XXYLT1: variants seen among roughly 807,000 people sequenced by gnomAD.
XXYLT1 encodes UDP-xylose:alpha-xyloside alpha-1,3-xylosyltransferase.
A neutral mutation model predicts 28.9 loss-of-function variants in XXYLT1; 20 were observed. The observed-to-expected ratio is 0.69, with a 90% CI of 0.49 to 1.00. The LOEUF (loss-of-function observed/expected upper bound fraction) is 1.00. XXYLT1 is among the 50% of genes least tolerant of loss of function. The pLI, the probability that XXYLT1 is intolerant of heterozygous loss-of-function variation, is 0.00. For synonymous variants in XXYLT1, 257 were observed against 253.8 expected, an observed-to-expected ratio of 1.01 and a Z score of -0.12; for missense variants, 542 against 560.1, an observed-to-expected ratio of 0.97 and a Z score of 0.33.
chr3:195,244,639 G>A (rs1338063023), intron 1 of XXYLT1, among the ~76,000 whole-genome samples: 1 of 150,550 alleles, frequency 6.6e-6, no homozygotes, highest in Non-Finnish European at 1.5e-5. Context: ...GAGGGCGCCT[G>A]TAATCCCAGC....
rs887113703 is a variant in XXYLT1, at chr3:195,069,869, T to G, written c.1028A>C (p.Lys343Thr). 13 of 1,614,124 alleles carry G rather than the reference T, an allele frequency of 8.1e-6. No individual in the cohort carries two copies. The highest frequency in any genetic ancestry group is 1.1e-5 in the Non-Finnish European group (13 of 1,180,012). ...FFTMIGMEHPKLFHVLDCTWN... is the reference protein window; with the variant it reads ...FFTMIGMEHPTLFHVLDCTWN... Reference sequence around the variant, plus strand: ...GGTACAGTCCAGCACATGGAAGAGCTTGGGGTGCTCCATGCCGATCATGGT... The same window carrying G: ...GGTACAGTCCAGCACATGGAAGAGCGTGGGGTGCTCCATGCCGATCATGGT... The change falls in exon 4 of 4, where the codon AAG (lysine) becomes ACG (threonine). Residue 343 changes from lysine (K) to threonine (T), a missense_variant. Transcript: ENST00000310380.
Position 195,069,748 on chromosome 3 carries a change from G to C in XXYLT1, c.1149C>G (p.His383Gln), listed in dbSNP as rs766882818. The change falls in exon 4 of 4, where the codon CAC becomes CAG. Residue 383 changes from histidine (H) to glutamine (Q), a missense_variant. His to Gln is a conservative substitution (Grantham distance 24). Coordinates refer to ENST00000310380, the MANE Select transcript of XXYLT1 (RefSeq NM_152531.5). ...FRCEGHVKIYHGNCNTPIPED is the reference protein window; with the variant it reads ...FRCEGHVKIYQGNCNTPIPED Reference sequence around the variant, plus strand: ...CCGGGATGGGAGTGTTGCAGTTCCCGTGGTAGATCTTGACGTGGCCCTCAC... The same window carrying C: ...CCGGGATGGGAGTGTTGCAGTTCCCCTGGTAGATCTTGACGTGGCCCTCAC... 1 of 1,613,888 alleles carries C rather than the reference G, an allele frequency of 6.2e-7. No individual in the cohort carries two copies. Among genetic ancestry groups the C allele is most frequent in the Non-Finnish European group, 8.5e-7 (1 of 1,180,006 alleles).
chr3:195,137,244 G>C (rs550509661), intron 3 of XXYLT1, among the ~76,000 whole-genome samples: 4 of 152,240 alleles, frequency 2.6e-5, no homozygotes, highest in African/African-American at 9.6e-5. Flanking sequence ...TAGGGACAGG[G>C]GCATTACAAA....
chr3:195,139,585 G>T (rs1719380076), intron 3 of XXYLT1, among the ~76,000 whole-genome samples: 2 of 152,162 alleles, frequency 1.3e-5, no homozygotes, highest in Admixed American at 1.3e-4. Context: ...GGGGTCTGTG[G>T]CTTGTTCAGA....
chr3:195,270,369 G>A (rs1189599902), intron 1 of XXYLT1, 186 bp downstream of exon 1: 2 of 932,790 alleles, frequency 2.1e-6, no homozygotes, highest in Non-Finnish European at 2.6e-6. Context: ...ACCAGCTGAG[G>A]GCGTCTGGCT....
At chr3:195,088,117 C>G (rs914437032) in intron 3 of XXYLT1, among the ~76,000 whole-genome samples, 2 of 151,576 alleles carry the variant, frequency 1.3e-5, no homozygotes, top group Non-Finnish European at 2.9e-5. Flanking sequence ...GAGGGGCGCC[C>G]GCCATTGCCC....
chr3:195,110,919 GT>G lies in XXYLT1; in HGVS notation c.786-40809del, dbSNP rs1283553233. 9.8e-4 allele frequency among the ~76,000 whole-genome samples: 15 copies of G among 15,372 alleles called. 1 individual carries two copies. The highest frequency in any genetic ancestry group is 2.0e-3 in the Non-Finnish European group (11 of 5,508). 10.1% of individuals were successfully genotyped at this position (15,372 alleles called of 152,430 possible). A position where few individuals can be genotyped will look rare whatever the true frequency, so the allele number is the denominator to read the frequency against. On this transcript the variant is annotated intron_variant, in intron 3 of 3. Transcript: ENST00000310380. ...TGTGGGTGAGGTGTGTGGTGTGTGT[GT>G]GTGGTGTGTGTGAGGTATGTGTATG...
chr3:195,242,541 G>A (rs1198949672), intron 1 of XXYLT1, among the ~76,000 whole-genome samples: 1 of 152,164 alleles, frequency 6.6e-6, no homozygotes, highest in Non-Finnish European at 1.5e-5. Flanking sequence ...CAAGAAAGAA[G>A]GAAGAAAGAA....
intron 2 of XXYLT1, 134 bp downstream of exon 2, chr3:195,226,575 T>A: frequency 8.5e-7 from 1 of 1,170,142 alleles, no homozygotes; most frequent in Non-Finnish European, 1.2e-6. Flanking sequence ...GGGCTTGGTC[T>A]GGCTCCCTCG....
At chr3:195,215,031 A>G (rs1723507086) in intron 2 of XXYLT1, 1 of 150,922 alleles carries the variant, frequency 6.6e-6, no homozygotes, top group Non-Finnish European at 1.5e-5. Flanking sequence ...ATTCTTAAAG[A>G]AAAGAATTTT....
At chr3:195,098,868 G>C (rs1577023411) in intron 3 of XXYLT1, among the ~76,000 whole-genome samples, 1 of 152,282 alleles carries the variant, frequency 6.6e-6, no homozygotes, top group East Asian at 1.9e-4. Flanking sequence ...CTGCAGCCTG[G>C]GGTCTCCAAG....
chr3:195,202,465 T>G (rs1327062229), intron 2 of XXYLT1, among the ~76,000 whole-genome samples: 1 of 148,490 alleles, frequency 6.7e-6, no homozygotes, highest in African/African-American at 2.5e-5. Flanking sequence ...TCTAAAAACG[T>G]GTCAATCCAA....
chr3:195,174,919 T>G lies in XXYLT1; in HGVS notation c.653-18338A>C, dbSNP rs577799473. ...GTGTGCCACCGTGCCCAGCCACAGT[T>G]GTACATCTGTTTGTTTACTTATCTA... On this transcript the variant is annotated intron_variant, in intron 2 of 3. Coordinates refer to ENST00000310380, the MANE Select transcript of XXYLT1 (RefSeq NM_152531.5). 2.0e-4 allele frequency among the ~76,000 whole-genome samples: 30 copies of G among 152,196 alleles called. No homozygotes were observed. In the South Asian group the frequency reaches 4.1e-3, roughly 21 times the overall value.
chr3:195,235,764 T>G (rs757821996), intron 1 of XXYLT1, among the ~76,000 whole-genome samples: 2 of 152,186 alleles, frequency 1.3e-5, no homozygotes, highest in African/African-American at 2.4e-5. Flanking sequence ...AGCAATGCCG[T>G]GGTTCTTGCA....
At chr3:195,073,120 G>C (rs2108637231) in intron 3 of XXYLT1, among the ~76,000 whole-genome samples, 1 of 152,338 alleles carries the variant, frequency 6.6e-6, no homozygotes, top group African/African-American at 2.4e-5. Flanking sequence ...CGCAGGCAGG[G>C]CTTCTGATCT....
At chr3:195,227,003 C>T (rs1000004223) in intron 1 of XXYLT1, 147 bp from the exon 2 acceptor site, 14 of 961,182 alleles carry the variant, frequency 1.5e-5, no homozygotes, top group Middle Eastern at 6.6e-4. Context: ...GGGGTAGCAA[C>T]GGAGAGTTAA....
intron 3 of XXYLT1, among the ~76,000 whole-genome samples, chr3:195,143,790 A>ATATC (rs1553809420): frequency 1.6e-5 from 2 of 121,432 alleles, no homozygotes; most frequent in Non-Finnish European, 3.3e-5. Context: ...CTCATTATAT[A>ATATC]TATATATATA....
chr3:195,080,626 G>A (rs774489952), intron 3 of XXYLT1, among the ~76,000 whole-genome samples: 1 of 152,232 alleles, frequency 6.6e-6, no homozygotes, highest in Non-Finnish European at 1.5e-5. Flanking sequence ...CACTGTCCCC[G>A]ACAGCCTCAT....
At chr3:195,085,349 C>T (rs547367479) in intron 3 of XXYLT1, among the ~76,000 whole-genome samples, 7 of 152,338 alleles carry the variant, frequency 4.6e-5, no homozygotes, top group South Asian at 2.1e-4. Context: ...CTGGCCCTGC[C>T]GCTCCGGCTC....
Sources: allele counts gnomAD v4.1 joint callset (sites outside exome capture counted in the v4.1 genomes callset), GRCh38; gene constraint gnomAD v4.1.1; transcripts MANE v1.5; gene names NCBI Gene and HGNC (gene_info 2026-07-23, HGNC 2026-07-21).